DCC: variants seen among roughly 807,000 people sequenced by gnomAD.
DCC encodes the protein netrin receptor DCC.
A neutral mutation model predicts 172.5 loss-of-function variants in DCC; 58 were observed. The ratio of observed to expected loss-of-function variants is 0.34; its 90% CI spans 0.27 to 0.42. The LOEUF (loss-of-function observed/expected upper bound fraction) is 0.42, where lower values mean the gene tolerates loss of function less well. Ranked by LOEUF, DCC falls within the 10% of genes least tolerant of loss-of-function variation. The pLI, the probability that DCC is intolerant of heterozygous loss-of-function variation, is 1.00. For missense variants in DCC, 1,740 were observed against 1,791.0 expected (o/e 0.97, Z 0.51); for synonymous variants, 709 against 644.5 (o/e 1.10, Z -1.52).
chr18:52,649,930 G>A (rs2035096250), intron 1 of DCC, among the ~76,000 whole-genome samples: 1 of 149,854 alleles, frequency 6.7e-6, no homozygotes, highest in African/African-American at 2.5e-5. Flanking sequence ...TTTCCTTTAG[G>A]TAGACACCCA....
chr18:53,431,715 C>T (rs888152009), intron 21 of DCC, among the ~76,000 whole-genome samples: 13 of 152,100 alleles, frequency 8.5e-5, no homozygotes, highest in African/African-American at 2.9e-4. Flanking sequence ...ATCTCTTGAC[C>T]TCAAGTGATC....
chr18:53,099,946 T>C (rs1278070366), intron 7 of DCC, among the ~76,000 whole-genome samples: 1 of 115,494 alleles, frequency 8.7e-6, no homozygotes, highest in African/African-American at 4.0e-5. Context: ...TTTCTTTCTT[T>C]TTTTTTTTTT....
At chr18:52,670,771 C>A (rs945366349) in intron 1 of DCC, among the ~76,000 whole-genome samples, 2 of 151,870 alleles carry the variant, frequency 1.3e-5, no homozygotes, top group Non-Finnish European at 2.9e-5. Flanking sequence ...ACCCTGGAAG[C>A]GGAGGTTGCA....
intron 8 of DCC, among the ~76,000 whole-genome samples, chr18:53,160,300 T>C (rs2144406248): frequency 6.6e-6 from 1 of 152,282 alleles, no homozygotes; most frequent in Middle Eastern, 3.4e-3. Context: ...CTCTCCAGAC[T>C]CTTGTCTTAC....
intron 7 of DCC, among the ~76,000 whole-genome samples, chr18:53,142,176 A>G (rs909281263): frequency 6.6e-6 from 1 of 152,228 alleles, no homozygotes; most frequent in Non-Finnish European, 1.5e-5. Flanking sequence ...GATGAAAAAC[A>G]AAGTAGACAC....
rs148751368 is a variant in DCC at position 53,136,618 on chromosome 18, C to A, written c.1262-20738C>A. On this transcript the variant is annotated intron_variant, in intron 7 of 28. Coordinates refer to ENST00000442544, the MANE Select transcript of DCC (RefSeq NM_005215.4). The stretch of plus-strand genomic sequence containing the variant: ...ACAGGTTGCTAGGAACTGGAGGTGG[C>A]AGGAGGGATGGACCACAAAGGGTTA... 3.4e-3 allele frequency among the ~76,000 whole-genome samples: 518 copies of A among 152,092 alleles called. 4 individuals carry two copies. In the Middle Eastern group the frequency reaches 0.041, roughly 12 times the overall value.
chr18:53,481,512 A>C (rs1376521813), intron 25 of DCC, among the ~76,000 whole-genome samples: 1 of 152,204 alleles, frequency 6.6e-6, no homozygotes, highest in Non-Finnish European at 1.5e-5. Flanking sequence ...ATGAATATCA[A>C]GGACAATAGA....
intron 1 of DCC, among the ~76,000 whole-genome samples, chr18:52,633,897 C>T (rs1265298938): frequency 6.6e-6 from 1 of 152,212 alleles, no homozygotes; most frequent in Non-Finnish European, 1.5e-5. Context: ...TGCTGTAACG[C>T]TAGCACAGCC....
intron 3 of DCC, among the ~76,000 whole-genome samples, chr18:52,911,347 T>C (rs1428064363): frequency 5.9e-5 from 9 of 152,070 alleles, no homozygotes; most frequent in Admixed American, 1.3e-4. Context: ...ATTACTTTTA[T>C]AGGTCATAAG....
At chr18:52,391,342 T>C (rs971273363) in intron 1 of DCC, among the ~76,000 whole-genome samples, 1 of 152,108 alleles carries the variant, frequency 6.6e-6, no homozygotes, top group African/African-American at 2.4e-5. Flanking sequence ...GTGTGTTTTT[T>C]AAGCCAACAA....
At chr18:52,446,157 C>G (rs148040423) in intron 1 of DCC, among the ~76,000 whole-genome samples, 1,746 of 152,224 alleles carry the variant, frequency 0.011, 60 homozygotes, top group Admixed American at 0.066. Flanking sequence ...TGCTGACCTC[C>G]TGATCCTCCC....
intron 15 of DCC, among the ~76,000 whole-genome samples, chr18:53,348,005 C>G (rs1433314240): frequency 6.6e-6 from 1 of 152,056 alleles, no homozygotes; most frequent in Non-Finnish European, 1.5e-5. Flanking sequence ...TATCATTCTG[C>G]CCCTGGCCCC....
At chr18:52,922,468 A>C (rs8094136) in intron 3 of DCC, among the ~76,000 whole-genome samples, 60,045 of 151,844 alleles carry the variant, frequency 0.4, 12,454 homozygotes, top group Non-Finnish European at 0.47. Context: ...GTCTGTCCTC[A>C]CTCAGCGATT....
intron 15 of DCC, among the ~76,000 whole-genome samples, chr18:53,354,474 A>G (rs1435568590): frequency 6.6e-6 from 1 of 152,038 alleles, no homozygotes; most frequent in East Asian, 1.9e-4. Flanking sequence ...GTGAGATGGT[A>G]TCTCATTGTG....
chr18:53,489,889 G>GAGTT (rs1347854090), intron 26 of DCC, among the ~76,000 whole-genome samples: 1 of 152,038 alleles, frequency 6.6e-6, no homozygotes, highest in African/African-American at 2.4e-5. Flanking sequence ...ATAAGCAAAT[G>GAGTT]AGTTATCCCT....
chr18:52,721,813 T>C (rs557313696), intron 1 of DCC, among the ~76,000 whole-genome samples: 36 of 152,042 alleles, frequency 2.4e-4, no homozygotes, highest in African/African-American at 6.5e-4. Flanking sequence ...TCACCAGAGG[T>C]TGGGAGTTCC....
At chr18:52,881,416 A>AT in intron 2 of DCC, among the ~76,000 whole-genome samples, 1 of 152,200 alleles carries the variant, frequency 6.6e-6, no homozygotes, top group Non-Finnish European at 1.5e-5. Flanking sequence ...TACTCAAGAA[A>AT]TTTTTGCACA....
intron 5 of DCC, among the ~76,000 whole-genome samples, chr18:53,024,487 A>G (rs545265573): frequency 1.3e-5 from 2 of 152,262 alleles, no homozygotes; most frequent in South Asian, 4.1e-4. Context: ...TACTCTCATT[A>G]GCTGAGGGAA....
At chr18:52,501,745 G>GTAT (rs2031029745) in intron 1 of DCC, among the ~76,000 whole-genome samples, 2 of 152,126 alleles carry the variant, frequency 1.3e-5, no homozygotes, top group African/African-American at 4.8e-5. Context: ...CAAAATTTCT[G>GTAT]AGTGGATATT....
Sources: allele counts gnomAD v4.1 joint callset (sites outside exome capture counted in the v4.1 genomes callset), GRCh38; gene constraint gnomAD v4.1.1; transcripts MANE v1.5; gene names NCBI Gene and HGNC (gene_info 2026-07-23, HGNC 2026-07-21).